Variants in TNIK observed in about 807,000 individuals in gnomAD.
TNIK encodes TRAF2 and NCK interacting kinase.
TNIK carries 49 observed loss-of-function variants against 191.3 expected under a neutral mutation model. That is an observed-to-expected ratio of 0.26 (90% CI 0.20 to 0.32). TNIK has a LOEUF of 0.32. Ranked by LOEUF, TNIK falls within the 10% of genes least tolerant of loss-of-function variation. The probability of loss-of-function intolerance (pLI) is 1.00; values close to 1 mark genes in which losing one functional copy is unlikely to be tolerated. For missense variants in TNIK, 1,155 were observed against 1,702.3 expected (o/e 0.68, Z 5.66); for synonymous variants, 594 against 600.9 (o/e 0.99, Z 0.17).
chr3:171,407,556 GCAGA>G lies in TNIK; in HGVS notation c.58-37875_58-37872del, dbSNP rs1290112994. On this transcript the variant is annotated intron_variant, in intron 1 of 32. Coordinates refer to ENST00000436636, the MANE Select transcript of TNIK (RefSeq NM_015028.4). ...CTCTCCCAGCCCCTGTTCTAAGTTG[GCAGA>G]CAGACAGGAGGGGCCACTAAGACAA... Among the ~76,000 whole-genome samples, 5 of 152,236 alleles carry G rather than the reference GCAGA, an allele frequency of 3.3e-5. No homozygotes were observed. The South Asian group carries it at 1.0e-3, about 32-fold the overall frequency.
chr3:171,220,869 T>G (rs895873833), intron 3 of TNIK, among the ~76,000 whole-genome samples: 4 of 152,172 alleles, frequency 2.6e-5, no homozygotes, highest in Admixed American at 6.6e-5. Context: ...CCCAGGCCTA[T>G]TTTTTGCACT....
intron 2 of TNIK, among the ~76,000 whole-genome samples, chr3:171,301,819 G>T (rs537104036): frequency 6.6e-5 from 10 of 152,302 alleles, no homozygotes; most frequent in African/African-American, 2.2e-4. Flanking sequence ...TATTGTATTG[G>T]TGTCAAATTC....
chr3:171,252,650 A>G (rs1299180672), intron 2 of TNIK, among the ~76,000 whole-genome samples: 2 of 152,250 alleles, frequency 1.3e-5, no homozygotes, highest in African/African-American at 2.4e-5. Flanking sequence ...GCGATATTTT[A>G]CATCATTGCA....
intron 1 of TNIK, among the ~76,000 whole-genome samples, chr3:171,424,732 G>A (rs1724306805): frequency 1.3e-5 from 2 of 149,030 alleles, no homozygotes; most frequent in Non-Finnish European, 3.0e-5. Context: ...CTATCGCAAG[G>A]ACAAAAAACC....
At chr3:171,178,538 C>T (rs955775664) in intron 7 of TNIK, among the ~76,000 whole-genome samples, 4 of 152,208 alleles carry the variant, frequency 2.6e-5, no homozygotes, top group Non-Finnish European at 5.9e-5. Context: ...TCTACCTGTA[C>T]AATCTCCATC....
intron 2 of TNIK, among the ~76,000 whole-genome samples, chr3:171,245,826 T>C (rs550329838): frequency 6.6e-5 from 10 of 152,226 alleles, no homozygotes; most frequent in African/African-American, 2.4e-4. Context: ...ATCATGACTT[T>C]CTTTTGTTAT....
intron 19 of TNIK, among the ~76,000 whole-genome samples, chr3:171,109,110 G>T (rs183793699): frequency 1.2e-4 from 19 of 152,250 alleles, no homozygotes; most frequent in Non-Finnish European, 2.5e-4. Flanking sequence ...TTAAATATTT[G>T]CTCTAAGAAT....
chr3:171,127,962 A>G (rs752734712), intron 16 of TNIK, among the ~76,000 whole-genome samples: 2 of 151,186 alleles, frequency 1.3e-5, no homozygotes, highest in South Asian at 2.1e-4. Context: ...TCCTTAATCT[A>G]TTTCACTTCA....
chr3:171,209,064 G>GTGTGTGTGT (rs1553856583), intron 4 of TNIK, among the ~76,000 whole-genome samples: 2 of 142,118 alleles, frequency 1.4e-5, no homozygotes, highest in Middle Eastern at 3.6e-3. Flanking sequence ...CTTTGGAAGG[G>GTGTGTGTGT]GTGTGTGTGT....
chr3:171,457,063 C>G (rs1728873761), intron 1 of TNIK, among the ~76,000 whole-genome samples: 1 of 152,186 alleles, frequency 6.6e-6, no homozygotes, highest in Non-Finnish European at 1.5e-5. Context: ...TAAAACAATT[C>G]CAGCCCATCC....
intron 18 of TNIK, among the ~76,000 whole-genome samples, chr3:171,114,646 AAATGTAGACCCTAATC>A (rs921926164): frequency 1.8e-4 from 27 of 152,242 alleles, no homozygotes; most frequent in South Asian, 2.1e-4. Flanking sequence ...ATGATCATAT[AAATGTAGACCCTAATC>A]ATATTATCTT....
chr3:171,430,030 T>A (rs886897344), intron 1 of TNIK, among the ~76,000 whole-genome samples: 2 of 152,090 alleles, frequency 1.3e-5, no homozygotes, highest in Non-Finnish European at 2.9e-5. Flanking sequence ...TCTCTAGAGG[T>A]AGATAGAGCC....
chr3:171,143,854 G>T (rs1198179793), intron 12 of TNIK, among the ~76,000 whole-genome samples: 2 of 152,148 alleles, frequency 1.3e-5, no homozygotes, highest in Non-Finnish European at 2.9e-5. Flanking sequence ...GCTCTTATTG[G>T]CTGGAACATT....
intron 2 of TNIK, among the ~76,000 whole-genome samples, chr3:171,239,786 T>C (rs1744726135): frequency 6.6e-6 from 1 of 152,226 alleles, no homozygotes; most frequent in Non-Finnish European, 1.5e-5. Flanking sequence ...CATCACAGAC[T>C]ACAGCAATTT....
intron 7 of TNIK, among the ~76,000 whole-genome samples, chr3:171,184,560 A>C (rs1183487399): frequency 6.6e-6 from 1 of 152,222 alleles, no homozygotes; most frequent in Non-Finnish European, 1.5e-5. Flanking sequence ...CTAACATGCT[A>C]TCTGGGTCAT....
chr3:171,138,120 C>T, intron 15 of TNIK, 71 bp downstream of exon 15: 1 of 1,402,192 alleles, frequency 7.1e-7, no homozygotes. Flanking sequence ...GTTAACTCTC[C>T]ACTTCTATCA....
At chr3:171,167,662 G>C (rs1254236671) in intron 9 of TNIK, among the ~76,000 whole-genome samples, 1 of 152,180 alleles carries the variant, frequency 6.6e-6, no homozygotes, top group Non-Finnish European at 1.5e-5. Context: ...GGAAAGGATA[G>C]TTCAGATATG....
chr3:171,247,478 C>G (rs147877280), intron 2 of TNIK, among the ~76,000 whole-genome samples: 4 of 152,136 alleles, frequency 2.6e-5, no homozygotes, highest in African/African-American at 9.6e-5. Context: ...ACAGAAGACT[C>G]GGGAAAACAT....
At chr3:171,318,428 G>C (rs1754859302) in intron 2 of TNIK, among the ~76,000 whole-genome samples, 1 of 152,080 alleles carries the variant, frequency 6.6e-6, no homozygotes, top group Non-Finnish European at 1.5e-5. Flanking sequence ...AAGAGAATAA[G>C]CTTGGTTGGC....
Sources: gnomAD v4.1 joint callset for allele counts (sites outside exome capture counted in the v4.1 genomes callset) on GRCh38, gnomAD v4.1.1 for gene constraint, MANE v1.5 for transcripts, NCBI Gene and HGNC (gene_info 2026-07-23, HGNC 2026-07-21) for gene names.